Variants in WDR72 observed in about 807,000 individuals in gnomAD.
WDR72 encodes the protein WD repeat domain 72.
WDR72 carries 120 observed loss-of-function variants against 124.2 expected under a neutral mutation model. The ratio of observed to expected loss-of-function variants is 0.97; its 90% CI spans 0.83 to 1.12. The LOEUF is 1.12. WDR72 is among the 50% of genes most tolerant of loss of function. WDR72 has a pLI of 0.00. For synonymous variants in WDR72, 452 were observed against 441.7 expected, an observed-to-expected ratio of 1.02 and a Z score of -0.29; for missense variants, 1,387 against 1,278.8, an observed-to-expected ratio of 1.08 and a Z score of -1.29.
At position 53,699,928 on chromosome 15, in the gene WDR72, T is replaced by C; in HGVS notation, c.1587A>G (p.Ile529Met). The C allele has an allele frequency of 6.2e-7, 1 of 1,614,168 alleles. No homozygotes were observed. The highest frequency in any genetic ancestry group is 8.5e-7 in the Non-Finnish European group (1 of 1,180,038). Residue 529 changes from isoleucine (I) to methionine (M), a missense_variant, in exon 13 of 20, where the codon ATA becomes ATG. Ile to Met is a conservative substitution (Grantham distance 10, BLOSUM62 1). Transcript: ENST00000360509. ...AATGGTCACCGCACACACAGCAAATTATCTGCTCACCCCTTAGCTGTGAAA... is the reference window on the plus strand; with the variant it reads ...AATGGTCACCGCACACACAGCAAATCATCTGCTCACCCCTTAGCTGTGAAA... ...PEKFKLRGEQ[I>M]ICCVCGDHSV... is the part of the protein sequence containing the mutation.
chr15:53,612,088 G>A (rs1431861031), intron 16 of WDR72, among the ~76,000 whole-genome samples: 1 of 152,090 alleles, frequency 6.6e-6, no homozygotes, highest in Non-Finnish European at 1.5e-5. Flanking sequence ...AATAGTGAAT[G>A]GCAGAGCTGG....
Position 53,665,598 on chromosome 15 carries a change from C to T in WDR72, c.1936G>A (p.Gly646Ser). 1 of 1,613,832 alleles carries T rather than the reference C, an allele frequency of 6.2e-7. No individual in the cohort carries two copies. The highest frequency in any genetic ancestry group is 1.1e-5 in the South Asian group (1 of 91,084). Residue 646 changes from glycine to serine, a missense_variant, in exon 14 of 20, where the codon GGT becomes AGT. Physicochemically the swap from Gly to Ser is moderately conservative, Grantham distance 56. Transcript: ENST00000360509. ...TTACATGAAGACTCCACCTGCAGAC[C>T]AGGGCAAGGTAATGGCCCAAGCTGG... Reference protein sequence around the residue: ...PYQLGPLPCPGLQVESSCKVT... With the variant: ...PYQLGPLPCPSLQVESSCKVT...
rs553163759 is a variant in WDR72 at position 53,546,523 on chromosome 15, G to T, written c.3149-23201C>A. 5.3e-5 allele frequency among the ~76,000 whole-genome samples: 8 copies of T among 151,662 alleles called. No individual in the cohort carries two copies. In the East Asian group the frequency reaches 9.7e-4, roughly 18 times the overall value. On this transcript the variant is annotated intron_variant, in intron 18 of 19. Coordinates refer to ENST00000360509, the MANE Select transcript of WDR72 (RefSeq NM_182758.4). ...ACTCTGGGGACTGTGGTGGGGTGGG[G>T]GGAGAGGGGAGGGATAGCATTGGGA...
At chr15:53,699,509 G>A (rs2017100491) in intron 13 of WDR72, among the ~76,000 whole-genome samples, 1 of 152,156 alleles carries the variant, frequency 6.6e-6, no homozygotes, top group South Asian at 2.1e-4. Flanking sequence ...ATAGCTTCCA[G>A]AAATATCCGG....
intron 18 of WDR72, among the ~76,000 whole-genome samples, chr15:53,580,586 A>G (rs1326117174): frequency 1.3e-5 from 2 of 152,048 alleles, no homozygotes; most frequent in Non-Finnish European, 2.9e-5. Flanking sequence ...CTGGGCACCA[A>G]ACAGAGGCAC....
At chr15:53,709,008 C>A (rs951284477) in intron 9 of WDR72, among the ~76,000 whole-genome samples, 5 of 152,226 alleles carry the variant, frequency 3.3e-5, no homozygotes, top group Non-Finnish European at 7.3e-5. Flanking sequence ...GAACCTGTTA[C>A]TGTCAAACCT....
At chr15:53,572,265 G>C (rs1397769937) in intron 18 of WDR72, among the ~76,000 whole-genome samples, 1 of 151,884 alleles carries the variant, frequency 6.6e-6, no homozygotes, top group African/African-American at 2.4e-5. Context: ...GTGCTTTTGG[G>C]GTTGTATTAA....
chr15:53,738,666 G>C (rs892501299), intron 1 of WDR72, among the ~76,000 whole-genome samples: 1 of 152,032 alleles, frequency 6.6e-6, no homozygotes. Context: ...GCGTGATCTC[G>C]GCTCACTGCA....
chr15:53,674,103 G>T (rs541457636), intron 13 of WDR72, among the ~76,000 whole-genome samples: 77 of 152,254 alleles, frequency 5.1e-4, no homozygotes, highest in Non-Finnish European at 2.9e-5. Context: ...CATGTGAGTG[G>T]ACATATTATA....
chr15:53,743,867 T>C (rs1020662254), intron 1 of WDR72, among the ~76,000 whole-genome samples: 10 of 150,830 alleles, frequency 6.6e-5, no homozygotes, highest in South Asian at 2.1e-4. Flanking sequence ...CCCAGCTACT[T>C]GGGAGGCTGA....
chr15:53,579,808 T>C (rs755603641), intron 18 of WDR72, among the ~76,000 whole-genome samples: 3 of 152,006 alleles, frequency 2.0e-5, no homozygotes, highest in African/African-American at 4.8e-5. Context: ...ACACCCCTCC[T>C]GTCCCCTATA....
At chr15:53,555,928 T>C (rs1893915849) in intron 18 of WDR72, among the ~76,000 whole-genome samples, 1 of 152,116 alleles carries the variant, frequency 6.6e-6, no homozygotes, top group South Asian at 2.1e-4. Context: ...GTTTAACAAA[T>C]AGCAAAATGA....
intron 19 of WDR72, among the ~76,000 whole-genome samples, chr15:53,521,469 G>C (rs1194618388): frequency 6.6e-6 from 1 of 152,120 alleles, no homozygotes; most frequent in Non-Finnish European, 1.5e-5. Flanking sequence ...AGAGGAAAAA[G>C]CCAGAGTAAT....
chr15:53,547,331 C>T (rs1893521776), intron 18 of WDR72, among the ~76,000 whole-genome samples: 1 of 152,176 alleles, frequency 6.6e-6, no homozygotes, highest in African/African-American at 2.4e-5. Context: ...GGGGCTTCTC[C>T]ATGTTGGTCA....
At chr15:53,622,429 T>C (rs117793395) in intron 14 of WDR72, among the ~76,000 whole-genome samples, 2,042 of 151,496 alleles carry the variant, frequency 0.013, 37 homozygotes, top group East Asian at 0.077. Flanking sequence ...ATATATACCA[T>C]GGAATACTAC....
intron 1 of WDR72, among the ~76,000 whole-genome samples, chr15:53,757,307 C>T (rs480850): frequency 0.66 from 100,197 of 151,366 alleles, 33,227 homozygotes; most frequent in Middle Eastern, 0.73. Context: ...AGAAAGGTAC[C>T]TTTTATGATG....
intron 2 of WDR72, among the ~76,000 whole-genome samples, chr15:53,728,499 A>C (rs1280150723): frequency 6.6e-6 from 1 of 152,200 alleles, no homozygotes; most frequent in Non-Finnish European, 1.5e-5. Flanking sequence ...ATTGAAGCTC[A>C]AAGAATATAA....
At chr15:53,670,964 A>C (rs1248194852) in intron 13 of WDR72, among the ~76,000 whole-genome samples, 1 of 152,166 alleles carries the variant, frequency 6.6e-6, no homozygotes, top group East Asian at 1.9e-4. Flanking sequence ...GAACCTCCTC[A>C]ATCAGCCTTT....
At chr15:53,635,759 C>T (rs946390642) in intron 14 of WDR72, among the ~76,000 whole-genome samples, 11 of 152,006 alleles carry the variant, frequency 7.2e-5, no homozygotes, top group African/African-American at 1.2e-4. Flanking sequence ...ACCTGGGTGA[C>T]GGGATCATTT....
Sources: allele counts gnomAD v4.1 joint callset (sites outside exome capture counted in the v4.1 genomes callset), GRCh38; gene constraint gnomAD v4.1.1; transcripts MANE v1.5; gene names NCBI Gene and HGNC (gene_info 2026-07-23, HGNC 2026-07-21).